Variants in SYNE1 observed in about 807,000 individuals in gnomAD.
SYNE1 encodes the protein nesprin-1.
In SYNE1, 616 loss-of-function variants were observed where a neutral mutation model predicts 1,111.0. The observed-to-expected ratio is 0.55, with a 90% confidence interval of 0.52 to 0.59. The LOEUF is 0.59. Ranked by LOEUF, SYNE1 falls within the 20% of genes least tolerant of loss-of-function variation. SYNE1 has a pLI of 0.00. For missense variants in SYNE1, 10,006 were observed against 10,417.0 expected, an observed-to-expected ratio of 0.96 and a Z score of 1.72; for synonymous variants, 3,855 against 3,825.8, an observed-to-expected ratio of 1.01 and a Z score of -0.28.
intron 115 of SYNE1, among the ~76,000 whole-genome samples, chr6:152,229,591 G>A (rs181483268): frequency 2.0e-5 from 3 of 152,198 alleles, no homozygotes; most frequent in Admixed American, 6.5e-5. Flanking sequence ...GGAGGTGAAC[G>A]GGAATCCAAC....
At chr6:152,127,322 T>C (rs902604456) in intron 145 of SYNE1, 4 of 152,154 alleles carry the variant, frequency 2.6e-5, no homozygotes, top group African/African-American at 9.7e-5. Flanking sequence ...ATTGGGAATA[T>C]AGCCATGTCA....
chr6:152,221,718 C>A (rs1404967021), intron 117 of SYNE1, among the ~76,000 whole-genome samples, 159 bp from the exon 118 acceptor site: 1 of 152,152 alleles, frequency 6.6e-6, no homozygotes, highest in Non-Finnish European at 1.5e-5. Flanking sequence ...TTTAGATAAT[C>A]ATTTATTCTC....
intron 16 of SYNE1, among the ~76,000 whole-genome samples, chr6:152,470,506 A>AT (rs2098799806): frequency 1.3e-5 from 2 of 152,198 alleles, no homozygotes; most frequent in African/African-American, 4.8e-5. Context: ...CAGATTTTGC[A>AT]TTTTGGAACA....
At position 152,353,606 on chromosome 6, in the gene SYNE1, G is replaced by C; in HGVS notation, c.11065C>G (p.Leu3689Val). The C allele has an allele frequency of 6.2e-7, 1 of 1,614,214 alleles. No individual in the cohort carries two copies. Among genetic ancestry groups the C allele is most frequent in the Non-Finnish European group, 8.5e-7 (1 of 1,180,044 alleles). ...ATQLTSRYQA[L>V]LLQVLEQIKF... The stretch of plus-strand genomic sequence containing the variant: ...CCACTCACCAGCACTTGGAGAAGCA[G>C]GGCCTGGTATCTGGAAGTCAGCTGG... The change falls in exon 68 of 146, where the codon CTG (leucine) becomes GTG (valine). Residue 3689 changes from leucine to valine, a missense_variant. Around this residue, in one of 7 missense-constraint regions of SYNE1, gnomAD observed 4,955 missense variants for 5,017.2 expected, o/e 0.99. Coordinates refer to ENST00000367255, the MANE Select transcript of SYNE1 (RefSeq NM_182961.4).
Position 152,433,803 on chromosome 6 carries a change from G to A in SYNE1, c.4453C>T (p.Gln1485Ter). 6.2e-7 allele frequency: 1 copy of A among 1,613,698 alleles called. No homozygotes were observed. The highest frequency in any genetic ancestry group is 8.5e-7 in the Non-Finnish European group (1 of 1,179,718). ...SSSAMDMQIS[Q>*]IKVTIQEIES... ...ATGTGTGAGCAGGTCACCTTAATTT[G>A]GCTGATTTGCATGTCCATGGCAGAT... Residue 1485 changes from glutamine to a stop codon, truncating the protein, a stop_gained, in exon 34 of 146, where the codon CAA becomes TAA. Coordinates refer to ENST00000367255, the MANE Select transcript of SYNE1 (RefSeq NM_182961.4). LOFTEE classifies it high-confidence loss of function.
At chr6:152,349,925 C>A (rs2096712337) in intron 72 of SYNE1, among the ~76,000 whole-genome samples, 3 of 152,124 alleles carry the variant, frequency 2.0e-5, no homozygotes, top group Admixed American at 1.3e-4. Flanking sequence ...TTGAGGCCTC[C>A]CCAGCCACAA....
intron 93 of SYNE1, among the ~76,000 whole-genome samples, chr6:152,295,207 G>T (rs2094811209): frequency 6.6e-6 from 1 of 152,158 alleles, no homozygotes; most frequent in Admixed American, 6.5e-5. Context: ...TCTTGGGTGG[G>T]ATTGAGGATT....
Position 152,156,487 on chromosome 6 carries a change from G to A in SYNE1, c.23791-390C>T, listed in dbSNP as rs140324828. Among the ~76,000 whole-genome samples, 686 of 152,078 alleles carry A rather than the reference G, an allele frequency of 4.5e-3. 3 individuals are homozygous for A. The highest frequency in any genetic ancestry group is 4.8e-3 in the Non-Finnish European group (328 of 67,974). ...GGGGATTGGTTCCAGACCTTCCCTC[G>A]GACACCAAAACCCATGGATGCTTAA... is the stretch of plus-strand genomic sequence containing the variant. On this transcript the variant is annotated intron_variant, in intron 131 of 145. Coordinates refer to ENST00000367255, the MANE Select transcript of SYNE1 (RefSeq NM_182961.4).
rs1270275942 is a variant in SYNE1, at chr6:152,510,357, G to T, written c.417C>A (p.Thr139=). ...AAGACTGGAGCTGGGGCAGGTTGCTGGTCAACTCTTCAATCTGTTTGTGAG... is the reference window on the plus strand; with the variant it reads ...AAGACTGGAGCTGGGGCAGGTTGCTTGTCAACTCTTCAATCTGTTTGTGAG... ...IILYFQIEEL[T]SNLPQLQSLS... Residue 139 remains threonine, a synonymous_variant, in exon 8 of 146, where the codon ACC becomes ACA. Transcript: ENST00000367255. 1 of 1,613,372 alleles carries T rather than the reference G, an allele frequency of 6.2e-7. No individual in the cohort carries two copies. Among genetic ancestry groups the T allele is most frequent in the Non-Finnish European group, 8.5e-7 (1 of 1,179,866 alleles).
chr6:152,575,129 T>C (rs1287702807), intron 3 of SYNE1, among the ~76,000 whole-genome samples: 1 of 152,210 alleles, frequency 6.6e-6, no homozygotes, highest in Non-Finnish European at 1.5e-5. Context: ...TGAGGTTTTC[T>C]CTAACTCCGG....
At chr6:152,445,182 C>A (rs990128138) in intron 29 of SYNE1, among the ~76,000 whole-genome samples, 13 of 151,594 alleles carry the variant, frequency 8.6e-5, no homozygotes, top group Admixed American at 8.5e-4. Flanking sequence ...ATTATAATTG[C>A]GTGACTAAAA....
rs986240607 is a variant in SYNE1 at position 152,262,302 on chromosome 6, T to C, written c.18816-114A>G. ...TCAAATGAAATAAGATTACCTTAGTTATTAGCTTACACTTTAAAAATAACA... is the reference window on the plus strand; with the variant it reads ...TCAAATGAAATAAGATTACCTTAGTCATTAGCTTACACTTTAAAAATAACA... On this transcript the variant is annotated intron_variant, in intron 100 of 145. Coordinates refer to ENST00000367255, the MANE Select transcript of SYNE1 (RefSeq NM_182961.4). 139 of 965,734 alleles carry C rather than the reference T, an allele frequency of 1.4e-4. 1 individual carries two copies. The highest frequency in any genetic ancestry group is 4.4e-4 in the Middle Eastern group (2 of 4,528). 59.8% of individuals were successfully genotyped at this position (965,734 alleles called of 1,614,324 possible). A position where few individuals can be genotyped will look rare whatever the true frequency, so the allele number is the denominator to read the frequency against.
chr6:152,564,897 AAAACCTC>A (rs1564880186), intron 3 of SYNE1, among the ~76,000 whole-genome samples: 1 of 152,192 alleles, frequency 6.6e-6, no homozygotes, highest in Non-Finnish European at 1.5e-5. Flanking sequence ...AATAATAATG[AAAACCTC>A]CTAGAATCAC....
intron 141 of SYNE1, among the ~76,000 whole-genome samples, chr6:152,136,397 T>C (rs1409616889): frequency 6.6e-6 from 1 of 152,252 alleles, no homozygotes; most frequent in Non-Finnish European, 1.5e-5. Flanking sequence ...TAGTCTCTTC[T>C]TATCTGGACA....
chr6:152,461,809 A>C, intron 20 of SYNE1, 69 bp from the exon 21 acceptor site: 1 of 1,604,260 alleles, frequency 6.2e-7, no homozygotes, highest in Non-Finnish European at 8.5e-7. Flanking sequence ...GATTCCACAG[A>C]AGGCAGAACA....
At chr6:152,623,046 C>G (rs372212013) in intron 3 of SYNE1, among the ~76,000 whole-genome samples, 4 of 151,826 alleles carry the variant, frequency 2.6e-5, no homozygotes, top group Non-Finnish European at 5.9e-5. Flanking sequence ...AAAGCCAAGG[C>G]GTCCTAAGCA....
intron 133 of SYNE1, among the ~76,000 whole-genome samples, chr6:152,154,247 T>C (rs1202215256): frequency 6.6e-6 from 1 of 152,218 alleles, no homozygotes; most frequent in African/African-American, 2.4e-5. Context: ...CTCGAGATTG[T>C]GCAAGCAGGC....
intron 98 of SYNE1, among the ~76,000 whole-genome samples, chr6:152,276,223 T>TG (rs1456114127): frequency 1.3e-5 from 2 of 151,818 alleles, no homozygotes; most frequent in African/African-American, 2.4e-5. Context: ...TTAGTAGAGA[T>TG]GGGGTTTCAC....
chr6:152,344,361 C>A, intron 73 of SYNE1, 134 bp from the exon 74 acceptor site: 1 of 1,383,258 alleles, frequency 7.2e-7, no homozygotes, highest in Non-Finnish European at 1.0e-6. Context: ...CATCTAATAT[C>A]TAAGGCAGTT....
Sources: gnomAD v4.1 joint callset for allele counts (sites outside exome capture counted in the v4.1 genomes callset) on GRCh38, gnomAD v4.1.1 for gene constraint, gnomAD v4.1.1 regional missense constraint, MANE v1.5 for transcripts, NCBI Gene and HGNC (gene_info 2026-07-23, HGNC 2026-07-21) for gene names.